BZW2: variants seen among roughly 807,000 people sequenced by gnomAD.
BZW2 encodes the protein basic leucine zipper and W2 domains 2, also known as eIF5-mimic protein 1.
A neutral mutation model predicts 53.2 loss-of-function variants in BZW2; 23 were observed. The ratio of observed to expected loss-of-function variants is 0.43; its 90% CI spans 0.31 to 0.61. The LOEUF (loss-of-function observed/expected upper bound fraction) is 0.61. BZW2 is among the 20% of genes least tolerant of loss of function. BZW2 has a pLI of 0.09. For synonymous variants in BZW2, 227 were observed against 186.4 expected (o/e 1.22, Z -1.77); for missense variants, 409 against 503.1 (o/e 0.81, Z 1.79).
intron 6 of BZW2, among the ~76,000 whole-genome samples, chr7:16,689,064 A>G (rs1281403159): frequency 6.6e-6 from 1 of 152,072 alleles, no homozygotes; most frequent in South Asian, 2.1e-4. Context: ...TGTCTCTACT[A>G]AAAATACAAA....
intron 2 of BZW2, among the ~76,000 whole-genome samples, chr7:16,670,765 C>G (rs1216695281): frequency 6.6e-6 from 1 of 152,116 alleles, no homozygotes; most frequent in Non-Finnish European, 1.5e-5. Flanking sequence ...CACAACAAGA[C>G]CCTAATTATA....
chr7:16,679,829 A>G (rs1214206469), intron 3 of BZW2, among the ~76,000 whole-genome samples: 4 of 152,250 alleles, frequency 2.6e-5, no homozygotes, highest in African/African-American at 9.6e-5. Flanking sequence ...CTAACTACCC[A>G]AACCTTCTAC....
chr7:16,702,193 G>A (rs1376538216), intron 10 of BZW2, among the ~76,000 whole-genome samples: 1 of 152,072 alleles, frequency 6.6e-6, no homozygotes, highest in African/African-American at 2.4e-5. Flanking sequence ...GGAAAAAATT[G>A]TCTGAATTCT....
chr7:16,665,528 T>C (rs750358919), intron 2 of BZW2, 27 bp downstream of exon 2: 14 of 1,610,962 alleles, frequency 8.7e-6, no homozygotes, highest in Non-Finnish European at 1.2e-5. Flanking sequence ...TGTGTGTGTG[T>C]GTTTAAAGTT....
chr7:16,678,716 C>T (rs187342695), intron 3 of BZW2, among the ~76,000 whole-genome samples: 1 of 152,108 alleles, frequency 6.6e-6, no homozygotes, highest in Admixed American at 6.6e-5. Flanking sequence ...GGGGAACCAG[C>T]CCCCAATATT....
intron 10 of BZW2, 153 bp downstream of exon 10, chr7:16,698,339 C>A (rs1783567992): frequency 9.6e-7 from 1 of 1,044,326 alleles, no homozygotes; most frequent in Non-Finnish European, 1.4e-6. Flanking sequence ...GCAACCATAC[C>A]ATGTAGAGAG....
chr7:16,676,221 A>T (rs775595589), intron 3 of BZW2, among the ~76,000 whole-genome samples: 6 of 152,186 alleles, frequency 3.9e-5, no homozygotes, highest in African/African-American at 1.4e-4. Flanking sequence ...ATACTGGATG[A>T]TTCTAAAAAG....
In BZW2 at chr7:16,674,563, T is replaced by C; in HGVS notation, c.210T>C (p.Asp70=). The C allele has an allele frequency of 6.2e-7, 1 of 1,605,170 alleles. No individual in the cohort carries two copies. The highest frequency in any genetic ancestry group is 1.1e-5 in the South Asian group (1 of 89,272). Residue 70 remains aspartate, a synonymous_variant, in exon 3 of 12, where the codon GAT becomes GAC. Coordinates refer to ENST00000258761, the MANE Select transcript of BZW2 (RefSeq NM_014038.3). The stretch of plus-strand genomic sequence containing the variant: ...GTCGCTATGCAGACACACTCTTCGA[T>C]ATCCTGGTGGCTGGCAGTATGCTTG... The part of the protein sequence containing the change: ...DYRRYADTLF[D]ILVAGSMLAP...
At chr7:16,665,204 G>A (rs1364117523) in intron 1 of BZW2, among the ~76,000 whole-genome samples, 3 of 151,898 alleles carry the variant, frequency 2.0e-5, no homozygotes, top group Non-Finnish European at 2.9e-5. Context: ...TACTCAGGAG[G>A]CTGAGGCAGG....
chr7:16,673,952 T>C (rs1782686254), intron 2 of BZW2, among the ~76,000 whole-genome samples: 1 of 142,492 alleles, frequency 7.0e-6, no homozygotes, highest in Admixed American at 6.8e-5. Flanking sequence ...CAGGCTGGGG[T>C]GCAATGGCAC....
At chr7:16,689,760 C>A in intron 6 of BZW2, 37 bp from the exon 7 acceptor site, 1 of 1,549,990 alleles carries the variant, frequency 6.5e-7, no homozygotes. Context: ...TGGTTTTGCT[C>A]GTAAAAGGAA....
intron 2 of BZW2, among the ~76,000 whole-genome samples, chr7:16,671,797 G>A (rs1231296933): frequency 1.3e-5 from 2 of 151,934 alleles, no homozygotes; most frequent in South Asian, 2.1e-4. Context: ...TGGGTGTGGT[G>A]GCATGTACCT....
chr7:16,680,814 T>TA (rs1040107176), intron 3 of BZW2, among the ~76,000 whole-genome samples: 11 of 151,032 alleles, frequency 7.3e-5, no homozygotes, highest in Non-Finnish European at 1.5e-4. Context: ...AAAATAAAAA[T>TA]AAAAAAATAG....
intron 1 of BZW2, among the ~76,000 whole-genome samples, chr7:16,653,034 TTGTG>T (rs10533020): frequency 1.9e-4 from 28 of 149,850 alleles, no homozygotes; most frequent in South Asian, 4.2e-4. Flanking sequence ...GAAAGTAACT[TTGTG>T]TGTGTGTGTG....
rs185969466 is a variant in BZW2, at chr7:16,699,119, T to G, written c.1108+933T>G. On this transcript the variant is annotated intron_variant, in intron 10 of 11. Transcript: ENST00000258761. ...CGTAGATTCCTCAAATGAATGAATC[T>G]TGTCCACAAGTGTTTGGGTGATATT... 2.2e-3 allele frequency among the ~76,000 whole-genome samples: 341 copies of G among 152,350 alleles called. 1 individual carries two copies. Among genetic ancestry groups the G allele is most frequent in the African/African-American group, 7.6e-3 (314 of 41,584 alleles).
rs1251711559 is a variant in BZW2 at position 16,706,186 on chromosome 7, A to G, written c.*98A>G. On this transcript the variant is annotated 3_prime_UTR_variant, in exon 12 of 12. Transcript: ENST00000258761. ...GAGAAACTTGGCTTCTGTTTTCGCA[A>G]AGGAAAAAAAAAATAGGATAGGCTT... 6.6e-6 allele frequency: 9 copies of G among 1,357,340 alleles called. No homozygotes were observed. Among genetic ancestry groups the G allele is most frequent in the Non-Finnish European group, 9.3e-6 (9 of 969,596 alleles). The allele number at this position is 1,357,340 out of a possible 1,614,324, so 84.1% of individuals were successfully genotyped here. A position where few individuals can be genotyped will look rare whatever the true frequency, so the allele number is the denominator to read the frequency against.
At chr7:16,661,197 C>T (rs1782250414) in intron 1 of BZW2, 1 of 152,040 alleles carries the variant, frequency 6.6e-6, no homozygotes, top group Non-Finnish European at 1.5e-5. Context: ...AATCTAAGAC[C>T]AAAGTGCTGG....
intron 3 of BZW2, among the ~76,000 whole-genome samples, chr7:16,677,892 T>C (rs1178041670): frequency 2.0e-5 from 3 of 152,116 alleles, no homozygotes; most frequent in African/African-American, 7.2e-5. Context: ...ACTTCTTCAC[T>C]GCATGTCTAT....
At chr7:16,680,948 A>T (rs561050634) in intron 3 of BZW2, among the ~76,000 whole-genome samples, 9 of 152,130 alleles carry the variant, frequency 5.9e-5, no homozygotes, top group Non-Finnish European at 1.3e-4. Flanking sequence ...TACTAAAAAT[A>T]TAAAAATTAG....
Sources: allele counts gnomAD v4.1 joint callset (sites outside exome capture counted in the v4.1 genomes callset), GRCh38; gene constraint gnomAD v4.1.1; transcripts MANE v1.5; gene names NCBI Gene and HGNC (gene_info 2026-07-23, HGNC 2026-07-21).